The following NAALADL2 variants were observed in gnomAD, a reference collection of about 807,000 sequenced individuals.
NAALADL2 encodes inactive N-acetylated-alpha-linked acidic dipeptidase-like protein 2.
Under a neutral mutation model 87.2 loss-of-function variants are expected in NAALADL2, and 76 were observed. The ratio of observed to expected loss-of-function variants is 0.87; its 90% CI spans 0.72 to 1.05. NAALADL2 has a LOEUF of 1.05. Among genes scored for constraint, NAALADL2 ranks in the 50% least tolerant of loss-of-function variants. NAALADL2 has a pLI of 0.00. For synonymous variants in NAALADL2, 354 were observed against 331.0 expected (o/e 1.07, Z -0.75); for missense variants, 1,089 against 945.8 (o/e 1.15, Z -1.99).
At chr3:175,669,653 T>A (rs1733664848) in intron 11 of NAALADL2, among the ~76,000 whole-genome samples, 1 of 151,992 alleles carries the variant, frequency 6.6e-6, no homozygotes, top group African/African-American at 2.4e-5. Flanking sequence ...ATGAGATTGA[T>A]TTCCTTATTT....
intron 12 of NAALADL2, among the ~76,000 whole-genome samples, chr3:175,748,618 T>C (rs1746229327): frequency 6.6e-6 from 1 of 152,178 alleles, no homozygotes; most frequent in African/African-American, 2.4e-5. Flanking sequence ...CTTACATTTG[T>C]TTGATATAAA....
chr3:174,998,150 C>G (rs140127912), intron 1 of NAALADL2, among the ~76,000 whole-genome samples: 7 of 152,288 alleles, frequency 4.6e-5, no homozygotes, highest in African/African-American at 1.7e-4. Context: ...TTATTTAGCA[C>G]TACCTCTATG....
chr3:175,161,393 C>T (rs768634339), intron 2 of NAALADL2, among the ~76,000 whole-genome samples: 49 of 152,140 alleles, frequency 3.2e-4, no homozygotes, highest in Non-Finnish European at 4.6e-4. Flanking sequence ...AATGGCCACA[C>T]GAACTATTTT....
At chr3:174,660,460 A>G (rs977753328) in intron 2 of NAALADL2, among the ~76,000 whole-genome samples, 1 of 152,198 alleles carries the variant, frequency 6.6e-6, no homozygotes, top group African/African-American at 2.4e-5. Context: ...TCACCAAGCT[A>G]TAAAGTGATT....
chr3:175,293,200 C>T (rs1755886819), intron 4 of NAALADL2, among the ~76,000 whole-genome samples: 1 of 152,098 alleles, frequency 6.6e-6, no homozygotes, highest in Non-Finnish European at 1.5e-5. Context: ...TGTAAGTAGA[C>T]AGGCTTTGCA....
intron 11 of NAALADL2, among the ~76,000 whole-genome samples, chr3:175,628,777 CTGAG>C (rs1408717619): frequency 3.3e-5 from 5 of 150,292 alleles, no homozygotes; most frequent in African/African-American, 7.3e-5. Flanking sequence ...GTAAAGCGAA[CTGAG>C]TGAGTGTCAA....
intron 2 of NAALADL2, among the ~76,000 whole-genome samples, chr3:174,721,892 C>T (rs1304970770): frequency 6.6e-6 from 1 of 152,096 alleles, no homozygotes; most frequent in Admixed American, 6.6e-5. Context: ...GATTTTTGAC[C>T]AGAGGGGTCC....
chr3:175,745,353 G>T (rs143028987), intron 12 of NAALADL2, among the ~76,000 whole-genome samples: 254 of 152,260 alleles, frequency 1.7e-3, no homozygotes, highest in African/African-American at 5.8e-3. Context: ...ATATACTTCA[G>T]ATGTATTAAT....
chr3:175,347,427 A>G (rs1700156439), intron 5 of NAALADL2, among the ~76,000 whole-genome samples: 1 of 152,154 alleles, frequency 6.6e-6, no homozygotes, highest in Non-Finnish European at 1.5e-5. Context: ...TTCATATTAG[A>G]CTCAGAGCAC....
intron 5 of NAALADL2, among the ~76,000 whole-genome samples, chr3:175,400,169 A>C (rs2149055012): frequency 6.6e-6 from 1 of 152,298 alleles, no homozygotes; most frequent in South Asian, 2.1e-4. Context: ...AAAGAGAAAA[A>C]AAATCAATCT....
intron 1 of NAALADL2, among the ~76,000 whole-genome samples, chr3:174,864,688 T>C (rs1041507286): frequency 7.2e-5 from 11 of 152,086 alleles, no homozygotes; most frequent in African/African-American, 2.7e-4. Context: ...GCAGTAATAA[T>C]CTTAAGATTA....
At chr3:174,819,667 A>C (rs1214110081) in intron 3 of NAALADL2, among the ~76,000 whole-genome samples, 1 of 152,094 alleles carries the variant, frequency 6.6e-6, no homozygotes, top group East Asian at 1.9e-4. Flanking sequence ...GTTCTTTATA[A>C]AACTGAACCA....
At chr3:174,633,356 TA>T (rs1202808323) in intron 2 of NAALADL2, among the ~76,000 whole-genome samples, 13 of 152,206 alleles carry the variant, frequency 8.5e-5, no homozygotes, top group Non-Finnish European at 1.6e-4. Context: ...GAAGAGTCTT[TA>T]AAACACTTAA....
chr3:174,640,900 T>C (rs1210849290), intron 2 of NAALADL2, among the ~76,000 whole-genome samples: 4 of 152,142 alleles, frequency 2.6e-5, no homozygotes, highest in African/African-American at 4.8e-5. Context: ...TGAAAAAAAG[T>C]CACCTGAGGA....
chr3:174,458,333 T>C lies in NAALADL2; in HGVS notation c.-184+17301T>C, dbSNP rs542173129. ...GTATTTCTCTGTGATTCCTGACAACTTGACTCACCTGTATTTTCCTCTCTC... is the reference window on the plus strand; with the variant it reads ...GTATTTCTCTGTGATTCCTGACAACCTGACTCACCTGTATTTTCCTCTCTC... On this transcript the variant is annotated intron_variant, in intron 1 of 3. Coordinates refer to the NAALADL2 transcript ENST00000434257. 1.6e-4 allele frequency among the ~76,000 whole-genome samples: 25 copies of C among 152,316 alleles called. 1 individual carries two copies. The highest frequency in any genetic ancestry group is 6.2e-4 in the South Asian group (3 of 4,828).
chr3:174,446,933 A>C (rs2108264367), intron 1 of NAALADL2, among the ~76,000 whole-genome samples: 1 of 152,074 alleles, frequency 6.6e-6, no homozygotes, highest in South Asian at 2.1e-4. Flanking sequence ...ACCTTAAGAA[A>C]CCTTGTGGTT....
At chr3:175,318,779 G>C (rs1660623674) in intron 4 of NAALADL2, among the ~76,000 whole-genome samples, 1 of 152,080 alleles carries the variant, frequency 6.6e-6, no homozygotes, top group Admixed American at 6.5e-5. Flanking sequence ...CCTCACCTTT[G>C]TAATTAAACT....
At chr3:174,605,339 G>A (rs1255018432) in intron 2 of NAALADL2, among the ~76,000 whole-genome samples, 7 of 152,132 alleles carry the variant, frequency 4.6e-5, no homozygotes, top group South Asian at 2.1e-4. Flanking sequence ...GCAGCGCACC[G>A]TGCGCAAGCC....
At chr3:174,449,764 A>C (rs941809696) in intron 1 of NAALADL2, among the ~76,000 whole-genome samples, 6 of 152,280 alleles carry the variant, frequency 3.9e-5, no homozygotes, top group African/African-American at 1.4e-4. Flanking sequence ...TAATGTTGAA[A>C]TTTTATACTA....
Sources: gnomAD v4.1 joint callset for allele counts (sites outside exome capture counted in the v4.1 genomes callset) on GRCh38, gnomAD v4.1.1 for gene constraint, MANE v1.5 for transcripts, NCBI Gene and HGNC (gene_info 2026-07-23, HGNC 2026-07-21) for gene names.